SLC25A21: variants seen among roughly 807,000 people sequenced by gnomAD.
The protein encoded by SLC25A21 is solute carrier family 25 member 21.
In SLC25A21, 47 loss-of-function variants were observed where a neutral mutation model predicts 43.8. That is an observed-to-expected ratio of 1.07 (90% CI 0.85 to 1.37). SLC25A21 has a LOEUF of 1.37. Among genes scored for constraint, SLC25A21 ranks in the 40% most tolerant of loss-of-function variants. The pLI, the probability that SLC25A21 is intolerant of heterozygous loss-of-function variation, is 0.00. For missense variants in SLC25A21, 352 were observed against 350.2 expected (o/e 1.00, Z -0.04); for synonymous variants, 131 against 121.3 (o/e 1.08, Z -0.52).
chr14:36,819,294 A>T (rs1330691545), intron 2 of SLC25A21, among the ~76,000 whole-genome samples: 2 of 152,190 alleles, frequency 1.3e-5, no homozygotes, highest in Non-Finnish European at 2.9e-5. Flanking sequence ...TTACTGTGGT[A>T]GCCAACAGGG....
chr14:36,886,475 G>A (rs961522317), intron 1 of SLC25A21, among the ~76,000 whole-genome samples: 1 of 152,184 alleles, frequency 6.6e-6, no homozygotes, highest in Non-Finnish European at 1.5e-5. Context: ...CTGTTAGCAT[G>A]TGTCTATAGG....
intron 3 of SLC25A21, among the ~76,000 whole-genome samples, chr14:36,799,112 T>C (rs1594598348): frequency 6.6e-6 from 1 of 152,140 alleles, no homozygotes. Context: ...CTGCCAAGGC[T>C]GAAAGAAAAT....
At chr14:37,096,399 A>G (rs1962694995) in intron 1 of SLC25A21, among the ~76,000 whole-genome samples, 3 of 152,054 alleles carry the variant, frequency 2.0e-5, no homozygotes, top group African/African-American at 7.2e-5. Context: ...CTGGATATTT[A>G]TATATTTCTC....
intron 1 of SLC25A21, among the ~76,000 whole-genome samples, chr14:37,082,524 G>A (rs1962408315): frequency 6.6e-6 from 1 of 152,122 alleles, no homozygotes; most frequent in Non-Finnish European, 1.5e-5. Context: ...TAAACCTTTA[G>A]TCCTCAGAAA....
At chr14:36,976,104 C>T (rs1339900546) in intron 1 of SLC25A21, among the ~76,000 whole-genome samples, 1 of 152,140 alleles carries the variant, frequency 6.6e-6, no homozygotes, top group Admixed American at 6.6e-5. Flanking sequence ...GTTGACCTGC[C>T]ATCCCTTGAC....
chr14:36,766,369 C>T (rs1360176768), intron 3 of SLC25A21, among the ~76,000 whole-genome samples: 1 of 152,110 alleles, frequency 6.6e-6, no homozygotes, highest in Non-Finnish European at 1.5e-5. Flanking sequence ...GGGCTGTGAT[C>T]ACAGAAAGGT....
chr14:36,947,365 A>G (rs1892701682), intron 1 of SLC25A21, among the ~76,000 whole-genome samples: 1 of 152,234 alleles, frequency 6.6e-6, no homozygotes, highest in African/African-American at 2.4e-5. Context: ...GAAGACAAAA[A>G]GCACTTCTGC....
intron 2 of SLC25A21, among the ~76,000 whole-genome samples, chr14:36,860,518 A>T (rs1298523341): frequency 1.3e-5 from 2 of 152,000 alleles, no homozygotes; most frequent in Non-Finnish European, 2.9e-5. Context: ...TTCCCACATG[A>T]TCCATTGCCT....
intron 2 of SLC25A21, among the ~76,000 whole-genome samples, chr14:36,827,469 T>C (rs550715225): frequency 1.3e-5 from 2 of 152,332 alleles, no homozygotes; most frequent in African/African-American, 2.4e-5. Context: ...ATTCATACTT[T>C]GAAATCTCAA....
chr14:37,060,995 T>C (rs996289665), intron 1 of SLC25A21, among the ~76,000 whole-genome samples: 1 of 152,094 alleles, frequency 6.6e-6, no homozygotes, highest in Non-Finnish European at 1.5e-5. Flanking sequence ...TGGGTGGCTG[T>C]CCCAGGAATT....
At chr14:37,074,423 A>T (rs1348849596) in intron 1 of SLC25A21, among the ~76,000 whole-genome samples, 31 of 152,204 alleles carry the variant, frequency 2.0e-4, no homozygotes, top group Non-Finnish European at 1.5e-5. Flanking sequence ...GCTCTTTTCT[A>T]TTCTTTCAAC....
chr14:36,729,623 T>C lies in SLC25A21; in HGVS notation c.271-57A>G, dbSNP rs371733010. On this transcript the variant is annotated intron_variant, in intron 4 of 9. Transcript: ENST00000331299. ...AACAATTTTCCTGCAACAAACTCTTTAATTGACTCAAATTTCTTTGGTAAA... is the reference window on the plus strand; with the variant it reads ...AACAATTTTCCTGCAACAAACTCTTCAATTGACTCAAATTTCTTTGGTAAA... 171 of 1,398,674 alleles carry C rather than the reference T, an allele frequency of 1.2e-4. No individual in the cohort carries two copies. In the African/African-American group the frequency reaches 2.2e-3, roughly 18 times the overall value. The allele number at this position is 1,398,674 out of a possible 1,614,324, so 86.6% of individuals were successfully genotyped here.
intron 1 of SLC25A21, among the ~76,000 whole-genome samples, chr14:37,039,433 T>G (rs1961397698): frequency 6.6e-6 from 1 of 152,172 alleles, no homozygotes; most frequent in African/African-American, 2.4e-5. Context: ...CATTCCTGCT[T>G]CTCCCTAGGC....
intron 1 of SLC25A21, among the ~76,000 whole-genome samples, chr14:37,088,246 G>A (rs1962521965): frequency 6.6e-6 from 1 of 152,016 alleles, no homozygotes; most frequent in African/African-American, 2.4e-5. Flanking sequence ...ATGCATACAA[G>A]CTCTAAAAAT....
At chr14:36,833,429 G>C (rs1889102191) in intron 2 of SLC25A21, among the ~76,000 whole-genome samples, 1 of 152,070 alleles carries the variant, frequency 6.6e-6, no homozygotes, top group Non-Finnish European at 1.5e-5. Context: ...CCTCAGTCAG[G>C]GCTGATAACC....
chr14:36,830,670 G>A (rs1211679181), intron 2 of SLC25A21, among the ~76,000 whole-genome samples: 1 of 152,066 alleles, frequency 6.6e-6, no homozygotes, highest in African/African-American at 2.4e-5. Flanking sequence ...TTAAGTTTGA[G>A]TATCAAGATA....
chr14:36,872,393 C>A (rs1025835380), intron 2 of SLC25A21, among the ~76,000 whole-genome samples: 2 of 152,110 alleles, frequency 1.3e-5, no homozygotes, highest in Non-Finnish European at 2.9e-5. Context: ...CAATACTATT[C>A]CCTGGGTATG....
Position 36,679,600 on chromosome 14 carries a change from G to GTAT in SLC25A21, c.*1055_*1057dup, listed in dbSNP as rs1555318170. 2.3e-5 allele frequency: 23 copies of GTAT among 985,378 alleles called. No individual in the cohort carries two copies. In the South Asian group the frequency reaches 4.2e-4, roughly 18 times the overall value. The allele number at this position is 985,378 out of a possible 1,614,324, so 61.0% of individuals were successfully genotyped here. The stretch of plus-strand genomic sequence containing the variant: ...ATAGTAATCCTTAGAAATGCTAAGT[G>GTAT]TATTTCTTTTTCAGAACATTTCCCC... On this transcript the variant is annotated 3_prime_UTR_variant, in exon 10 of 10. Transcript: ENST00000331299.
At chr14:37,103,161 A>C (rs1962848112) in intron 1 of SLC25A21, among the ~76,000 whole-genome samples, 1 of 152,238 alleles carries the variant, frequency 6.6e-6, no homozygotes, top group African/African-American at 2.4e-5. Context: ...GAAATATTAT[A>C]CTGCAAGTAA....
Sources: allele counts gnomAD v4.1 joint callset (sites outside exome capture counted in the v4.1 genomes callset), GRCh38; gene constraint gnomAD v4.1.1; transcripts MANE v1.5; gene names NCBI Gene and HGNC (gene_info 2026-07-23, HGNC 2026-07-21).